VWA2: variants seen among roughly 807,000 people sequenced by gnomAD.
The protein encoded by VWA2 is von Willebrand factor A domain containing 2.
Under a neutral mutation model 70.4 loss-of-function variants are expected in VWA2, and 73 were observed. The ratio of observed to expected loss-of-function variants is 1.04; its 90% CI spans 0.86 to 1.26. The LOEUF (loss-of-function observed/expected upper bound fraction) is 1.26. Ranked by LOEUF, VWA2 falls within the 50% of genes most tolerant of loss-of-function variation. The probability of loss-of-function intolerance (pLI) is 0.00; values close to 1 mark genes in which losing one functional copy is unlikely to be tolerated. For missense variants in VWA2, 1,011 were observed against 998.5 expected, an observed-to-expected ratio of 1.01 and a Z score of -0.17; for synonymous variants, 407 against 423.3, an observed-to-expected ratio of 0.96 and a Z score of 0.47.
At chr10:114,285,444 G>A (rs937785566) in intron 10 of VWA2, among the ~76,000 whole-genome samples, 1 of 152,208 alleles carries the variant, frequency 6.6e-6, no homozygotes, top group African/African-American at 2.4e-5. Flanking sequence ...CATGCTTGAC[G>A]CATATAAGGG....
chr10:114,277,981 G>A lies in VWA2; in HGVS notation c.634G>A (p.Glu212Lys). 6.2e-7 allele frequency: 1 copy of A among 1,613,288 alleles called. No individual in the cohort carries two copies. Residue 212 changes from glutamate to lysine, a missense_variant, in exon 7 of 14, where the codon GAG becomes AAG. By Grantham distance (56) the Glu-to-Lys change is moderately conservative. Coordinates refer to ENST00000392982, the MANE Select transcript of VWA2 (RefSeq NM_001272046.2). ...GCACGTGCTGTTGGCTGAGCAGGTG[G>A]AGGATGCCACCAACGGCCTCTTCAG... is the stretch of plus-strand genomic sequence containing the variant. ...GQHVLLAEQV[E>K]DATNGLFSTL...
At chr10:114,254,319 G>A (rs574752592) in intron 3 of VWA2, among the ~76,000 whole-genome samples, 2 of 152,110 alleles carry the variant, frequency 1.3e-5, no homozygotes, top group South Asian at 2.1e-4. Flanking sequence ...CAATCCGCCC[G>A]CGTTGGTCTC....
At position 114,284,913 on chromosome 10, in the gene VWA2, G is replaced by T; in HGVS notation, c.940G>T (p.Gly314Ter). Reference sequence around the variant, plus strand: ...GAATGGAGGCACATGTGTTCCAGAAGGACTGGACGGCTACCAGTGCCTCTG... The same window carrying T: ...GAATGGAGGCACATGTGTTCCAGAATGACTGGACGGCTACCAGTGCCTCTG... ...CQNGGTCVPE[G>*]LDGYQCLCPL... The change falls in exon 10 of 14, where the codon GGA (glycine) becomes TGA (stop). Residue 314 changes from glycine to a stop codon, truncating the protein, a stop_gained. Coordinates refer to ENST00000392982, the MANE Select transcript of VWA2 (RefSeq NM_001272046.2). LOFTEE classifies it high-confidence loss of function. 1 of 1,605,566 alleles carries T rather than the reference G, an allele frequency of 6.2e-7. No individual in the cohort carries two copies. Among genetic ancestry groups the T allele is most frequent in the Non-Finnish European group, 8.5e-7 (1 of 1,177,304 alleles).
intron 8 of VWA2, chr10:114,280,660 T>G (rs1029677017): frequency 3.3e-5 from 5 of 152,210 alleles, no homozygotes; most frequent in African/African-American, 1.2e-4. Flanking sequence ...CTAGGACTTG[T>G]GGCTTTATGA....
intron 6 of VWA2, among the ~76,000 whole-genome samples, chr10:114,274,422 GA>G (rs1260023968): frequency 1.3e-5 from 2 of 152,176 alleles, no homozygotes; most frequent in Non-Finnish European, 2.9e-5. Flanking sequence ...TCACAAAAGA[GA>G]TCATGGTGGC....
rs772861727 is a variant in VWA2, at chr10:114,255,026, G to T, written c.239G>T (p.Gly80Val). Residue 80 changes from glycine (G) to valine (V), a missense_variant, in exon 4 of 14, where the codon GGT (glycine) becomes GTT (valine). Physicochemically the swap from Gly to Val is moderately radical, Grantham distance 109. Transcript: ENST00000392982. ...SKHFAITVCD[G>V]LDISPERVRV... The stretch of plus-strand genomic sequence containing the variant: ...CACTTTGCCATCACAGTCTGTGACG[G>T]TCTGGACATCAGCCCCGAGAGGGTG... 3 of 1,612,640 alleles carry T rather than the reference G, an allele frequency of 1.9e-6. No homozygotes were observed. The highest frequency in any genetic ancestry group is 2.5e-6 in the Non-Finnish European group (3 of 1,179,934).
chr10:114,248,883 T>G, intron 2 of VWA2, 118 bp downstream of exon 2: 1 of 954,104 alleles, frequency 1.0e-6, no homozygotes, highest in Non-Finnish European at 1.7e-6. Flanking sequence ...GCATCTCCCC[T>G]CCATGGCCAC....
intron 9 of VWA2, among the ~76,000 whole-genome samples, chr10:114,284,004 A>G (rs1168973076): frequency 6.6e-6 from 1 of 152,260 alleles, no homozygotes; most frequent in Non-Finnish European, 1.5e-5. Flanking sequence ...CTTGGAATAC[A>G]TGATCACATG....
intron 5 of VWA2, among the ~76,000 whole-genome samples, chr10:114,271,224 A>T (rs996207352): frequency 4.6e-5 from 7 of 152,226 alleles, no homozygotes; most frequent in African/African-American, 7.2e-5. Context: ...CAGGTTGAAA[A>T]AAAAGTAAGT....
intron 2 of VWA2, among the ~76,000 whole-genome samples, chr10:114,252,760 G>A (rs543117082): frequency 1.1e-4 from 16 of 151,918 alleles, no homozygotes; most frequent in African/African-American, 2.2e-4. Flanking sequence ...CAGCACACCC[G>A]GCTAATTTTT....
At chr10:114,249,481 C>G (rs538072586) in intron 2 of VWA2, among the ~76,000 whole-genome samples, 2 of 152,294 alleles carry the variant, frequency 1.3e-5, no homozygotes, top group South Asian at 4.1e-4. Context: ...GTCTTGAACT[C>G]CTGACCTCAG....
Position 114,286,495 on chromosome 10 carries a change from C to T in VWA2, c.1554C>T (p.Cys518=), listed in dbSNP as rs200785349. The part of the protein sequence containing the change: ...NQIPELQGKL[C]SRQRPGCRTQ... ...TCCCTGAGCTGCAGGGGAAGCTGTG[C>T]AGCCGGCAGCGGCCAGGTAAGGTCC... The change falls in exon 11 of 14, where the codon TGC becomes TGT. Residue 518 remains cysteine, a synonymous_variant. Transcript: ENST00000392982. The T allele has an allele frequency of 1.3e-5, 21 of 1,573,976 alleles. No homozygotes were observed. In the East Asian group the frequency reaches 4.1e-4, roughly 31 times the overall value.
At chr10:114,269,615 A>C (rs2037662171) in intron 5 of VWA2, among the ~76,000 whole-genome samples, 1 of 152,124 alleles carries the variant, frequency 6.6e-6, no homozygotes, top group Admixed American at 6.5e-5. Flanking sequence ...GCTGGAACCC[A>C]AGCCTTCCCC....
At chr10:114,269,131 G>A (rs1053365475) in intron 5 of VWA2, among the ~76,000 whole-genome samples, 1 of 152,244 alleles carries the variant, frequency 6.6e-6, no homozygotes, top group Non-Finnish European at 1.5e-5. Context: ...CTGAGGTAGA[G>A]AGGGTGACAG....
chr10:114,278,137 C>A, intron 7 of VWA2, 90 bp downstream of exon 7: 1 of 1,509,002 alleles, frequency 6.6e-7, no homozygotes, highest in South Asian at 1.3e-5. Context: ...AGGAGCCTCC[C>A]AAGGATGGAG....
At chr10:114,241,700 T>G (rs1174439172) in intron 1 of VWA2, among the ~76,000 whole-genome samples, 3 of 152,098 alleles carry the variant, frequency 2.0e-5, no homozygotes, top group African/African-American at 7.2e-5. Context: ...GCTTAATAAT[T>G]TTTACTGGGT....
rs530303698 is a variant in VWA2, at chr10:114,246,110, A to G, written c.-10-2594A>G. On this transcript the variant is annotated intron_variant, in intron 1 of 13. Transcript: ENST00000392982. ...GATTGGAGGTCAGATGCATGGTGAG[A>G]AGGTAGATCTCTGGAGCCTTGGTGT... 6.6e-6 allele frequency: 4 copies of G among 609,660 alleles called. No individual in the cohort carries two copies. The African/African-American group carries it at 7.9e-5, about 12-fold the overall frequency. 37.8% of individuals were successfully genotyped at this position (609,660 alleles called of 1,614,324 possible). A position where few individuals can be genotyped will look rare whatever the true frequency, so the allele number is the denominator to read the frequency against.
At chr10:114,278,192 T>TGC in intron 7 of VWA2, 145 bp downstream of exon 7, 1 of 1,212,860 alleles carries the variant, frequency 8.2e-7, no homozygotes, top group Non-Finnish European at 1.1e-6. Context: ...CCCTGGATGC[T>TGC]CTGCGTCTCC....
intron 5 of VWA2, 118 bp from the exon 6 acceptor site, chr10:114,272,622 T>C: frequency 1.1e-6 from 1 of 900,256 alleles, no homozygotes; most frequent in Non-Finnish European, 1.7e-6. Context: ...CAGCCTCTGC[T>C]AGGAGAAAGC....
Sources: allele counts gnomAD v4.1 joint callset (sites outside exome capture counted in the v4.1 genomes callset), GRCh38; gene constraint gnomAD v4.1.1; transcripts MANE v1.5; gene names NCBI Gene and HGNC (gene_info 2026-07-23, HGNC 2026-07-21).